The following ADAM12 variants were observed in gnomAD, a reference collection of about 807,000 sequenced individuals.
ADAM12 encodes the protein ADAM metallopeptidase domain 12.
ADAM12 carries 70 observed loss-of-function variants against 106.4 expected under a neutral mutation model. That is an observed-to-expected ratio of 0.66 (90% CI 0.54 to 0.80). The LOEUF is 0.80. Ranked by LOEUF, ADAM12 falls within the 30% of genes least tolerant of loss-of-function variation. The probability of loss-of-function intolerance (pLI) is 0.00; values close to 1 mark genes in which losing one functional copy is unlikely to be tolerated. For synonymous variants in ADAM12, 420 were observed against 433.5 expected (o/e 0.97, Z 0.39); for missense variants, 1,010 against 1,171.9 (o/e 0.86, Z 2.02).
At chr10:126,340,292 C>T (rs1674049367) in intron 1 of ADAM12, among the ~76,000 whole-genome samples, 1 of 152,228 alleles carries the variant, frequency 6.6e-6, no homozygotes, top group African/African-American at 2.4e-5. Context: ...ACATAGATTA[C>T]ATAAACAAGA....
In ADAM12 at chr10:126,386,458, T is replaced by C. The variant is rs1378434020; in HGVS notation, c.88+1600A>G. 2.0e-5 allele frequency among the ~76,000 whole-genome samples: 3 copies of C among 152,172 alleles called. No individual in the cohort carries two copies. The East Asian group carries it at 5.8e-4, about 29-fold the overall frequency. On this transcript the variant is annotated intron_variant, in intron 1 of 22. Transcript: ENST00000448723. ...GATTGAAGACTTGATACTGAGAATCTAAGGGTAAACAAGCAGTGAATCCTG... is the reference window on the plus strand; with the variant it reads ...GATTGAAGACTTGATACTGAGAATCCAAGGGTAAACAAGCAGTGAATCCTG...
chr10:126,191,851 A>G (rs1212782637), intron 3 of ADAM12, among the ~76,000 whole-genome samples: 2 of 152,188 alleles, frequency 1.3e-5, no homozygotes, highest in Non-Finnish European at 2.9e-5. Context: ...AATAGGTTTA[A>G]TTGGCTCATG....
At chr10:126,056,682 A>G (rs1954639826) in intron 14 of ADAM12, among the ~76,000 whole-genome samples, 2 of 31,954 alleles carry the variant, frequency 6.3e-5, no homozygotes, top group African/African-American at 9.1e-5. Flanking sequence ...ATTCCCACCT[A>G]TGAGTGAGAA....
At chr10:126,269,178 C>G (rs1372612775) in intron 3 of ADAM12, among the ~76,000 whole-genome samples, 4 of 152,148 alleles carry the variant, frequency 2.6e-5, no homozygotes, top group East Asian at 1.9e-4. Context: ...CTAGGGGTCA[C>G]TCTCGTGACC....
intron 3 of ADAM12, among the ~76,000 whole-genome samples, chr10:126,245,148 A>T (rs2133664364): frequency 6.6e-6 from 1 of 152,310 alleles, no homozygotes; most frequent in East Asian, 1.9e-4. Flanking sequence ...CCCTCAAGGG[A>T]GAGTGAGCAT....
intron 1 of ADAM12, among the ~76,000 whole-genome samples, chr10:126,363,762 G>A (rs893775411): frequency 3.3e-5 from 5 of 152,138 alleles, no homozygotes; most frequent in African/African-American, 4.8e-5. Context: ...CAAGCCTAAC[G>A]GAGACCAGAC....
intron 3 of ADAM12, among the ~76,000 whole-genome samples, chr10:126,253,093 T>C (rs1958818414): frequency 6.6e-6 from 1 of 152,240 alleles, no homozygotes; most frequent in Admixed American, 6.5e-5. Context: ...CCTGATGCCA[T>C]TCCAGAAGGA....
chr10:126,037,861 G>A (rs1954086829), intron 20 of ADAM12, among the ~76,000 whole-genome samples: 1 of 152,200 alleles, frequency 6.6e-6, no homozygotes, highest in Non-Finnish European at 1.5e-5. Flanking sequence ...CTAAAGCCAG[G>A]TGGTGGCATT....
At chr10:126,299,061 T>C (rs1319924800) in intron 2 of ADAM12, among the ~76,000 whole-genome samples, 3 of 152,118 alleles carry the variant, frequency 2.0e-5, no homozygotes, top group East Asian at 1.9e-4. Context: ...TTGGAGATTG[T>C]AGGAAGGAAT....
At chr10:126,135,460 G>T in intron 5 of ADAM12, 124 bp downstream of exon 5, 1 of 865,114 alleles carries the variant, frequency 1.2e-6, no homozygotes, top group Non-Finnish European at 1.9e-6. Flanking sequence ...TGCCTAGGTG[G>T]AGGTGTAGCT....
chr10:126,121,146 AC>A (rs1956092990), intron 5 of ADAM12, among the ~76,000 whole-genome samples: 3 of 49,522 alleles, frequency 6.1e-5, no homozygotes, highest in Non-Finnish European at 9.9e-5. Context: ...TACTATATAT[AC>A]TATATATACT....
intron 4 of ADAM12, among the ~76,000 whole-genome samples, chr10:126,138,856 T>A (rs541513044): frequency 6.6e-6 from 1 of 151,880 alleles, no homozygotes; most frequent in African/African-American, 2.4e-5. Flanking sequence ...AGCTATTATA[T>A]TTACATCTTT....
intron 2 of ADAM12, among the ~76,000 whole-genome samples, chr10:126,316,504 A>T (rs554538344): frequency 1.3e-5 from 2 of 152,042 alleles, no homozygotes; most frequent in Admixed American, 1.3e-4. Flanking sequence ...CTCAATTTAC[A>T]TGGCTATACA....
Position 126,012,859 on chromosome 10 carries a change from C to T in ADAM12, c.*4420G>A, listed in dbSNP as rs1201869147. The T allele has an allele frequency of 1.3e-5, 2 of 152,184 alleles. No homozygotes were observed. The highest frequency in any genetic ancestry group is 1.5e-5 in the Non-Finnish European group (1 of 68,028). 9.4% of individuals were successfully genotyped at this position (152,184 alleles called of 1,614,324 possible). On this transcript the variant is annotated 3_prime_UTR_variant, in exon 23 of 23. Coordinates refer to ENST00000448723, the MANE Select transcript of ADAM12 (RefSeq NM_001288973.2). ...TAGGCCATGAAAATAAAACGCCATTCAACTTTTTTTTTGTAAAGCTAAAAT... is the reference window on the plus strand; with the variant it reads ...TAGGCCATGAAAATAAAACGCCATTTAACTTTTTTTTTGTAAAGCTAAAAT...
At chr10:126,258,691 C>T (rs1958941671) in intron 3 of ADAM12, among the ~76,000 whole-genome samples, 1 of 152,206 alleles carries the variant, frequency 6.6e-6, no homozygotes, top group Non-Finnish European at 1.5e-5. Context: ...CCTCACCCAC[C>T]TGGGCCTTTA....
intron 3 of ADAM12, among the ~76,000 whole-genome samples, chr10:126,240,216 A>G (rs553364824): frequency 3.9e-5 from 6 of 152,228 alleles, no homozygotes; most frequent in Non-Finnish European, 8.8e-5. Context: ...ACTCTTCACC[A>G]GCCGAAGGGG....
At chr10:126,238,774 C>A (rs1266142182) in intron 3 of ADAM12, among the ~76,000 whole-genome samples, 1 of 152,110 alleles carries the variant, frequency 6.6e-6, no homozygotes, top group Admixed American at 6.6e-5. Flanking sequence ...AAAATAAATC[C>A]ATAGTTCTCT....
In ADAM12 at chr10:126,363,682, C is replaced by G. The variant is rs535548499; in HGVS notation, c.88+24376G>C. On this transcript the variant is annotated intron_variant, in intron 1 of 22. Coordinates refer to ENST00000448723, the MANE Select transcript of ADAM12 (RefSeq NM_001288973.2). ...GAGAACATGCTGGGTTAGCCTGCTACGGAGATGGGAGAGACATGGAGAAGG... is the reference window on the plus strand; with the variant it reads ...GAGAACATGCTGGGTTAGCCTGCTAGGGAGATGGGAGAGACATGGAGAAGG... Among the ~76,000 whole-genome samples, 216 of 152,236 alleles carry G rather than the reference C, an allele frequency of 1.4e-3. 6 individuals carry two copies. The highest frequency in any genetic ancestry group is 3.1e-3 in the Admixed American group (48 of 15,286).
At chr10:126,131,623 A>G (rs1205950209) in intron 5 of ADAM12, among the ~76,000 whole-genome samples, 4 of 152,118 alleles carry the variant, frequency 2.6e-5, no homozygotes, top group Admixed American at 2.6e-4. Context: ...ACACGCACAA[A>G]GAGAGGTCAC....
Sources: allele counts gnomAD v4.1 joint callset (sites outside exome capture counted in the v4.1 genomes callset), GRCh38; gene constraint gnomAD v4.1.1; transcripts MANE v1.5; gene names NCBI Gene and HGNC (gene_info 2026-07-23, HGNC 2026-07-21).